Variants in BRWD1 observed in about 807,000 individuals in gnomAD.
The protein encoded by BRWD1 is bromodomain and WD repeat domain containing 1, also known as bromodomain and WD repeat-containing protein 1.
Under a neutral mutation model 251.2 loss-of-function variants are expected in BRWD1, and 82 were observed. The observed-to-expected ratio is 0.33, with a 90% CI of 0.27 to 0.39. The LOEUF (loss-of-function observed/expected upper bound fraction) is 0.39, where lower values mean the gene tolerates loss of function less well. Among genes scored for constraint, BRWD1 ranks in the 10% least tolerant of loss-of-function variants. The pLI is 1.00. For missense variants in BRWD1, 2,233 were observed against 2,711.6 expected (o/e 0.82, Z 3.92); for synonymous variants, 918 against 902.8 (o/e 1.02, Z -0.30).
At chr21:39,244,834 T>C (rs2034122507) in intron 21 of BRWD1, among the ~76,000 whole-genome samples, 1 of 150,612 alleles carries the variant, frequency 6.6e-6, no homozygotes, top group African/African-American at 2.4e-5. Context: ...AGTCTATATA[T>C]AACCCTTTAT....
Position 39,186,962 on chromosome 21 carries a change from T to C in BRWD1, c.*9297A>G, listed in dbSNP as rs2031269330. The C allele has an allele frequency of 6.0e-6, 9 of 1,502,380 alleles. No individual in the cohort carries two copies. The highest frequency in any genetic ancestry group is 7.1e-6 in the Non-Finnish European group (8 of 1,131,368). 93.1% of individuals were successfully genotyped at this position (1,502,380 alleles called of 1,614,324 possible). ...AGTAATTTTAGAGCTGGGAGCAGAA[T>C]GTAACTGCCAGTTTACTTGTGTACC... is the stretch of plus-strand genomic sequence containing the variant. On this transcript the variant is annotated 3_prime_UTR_variant, in exon 41 of 41. Transcript: ENST00000342449.
At chr21:39,230,589 T>C (rs772551427) in intron 25 of BRWD1, among the ~76,000 whole-genome samples, 1 of 152,164 alleles carries the variant, frequency 6.6e-6, no homozygotes, top group African/African-American at 2.4e-5. Flanking sequence ...TGTTGTTGAT[T>C]TGCAAACATT....
chr21:39,279,312 A>G (rs903972153), intron 9 of BRWD1, among the ~76,000 whole-genome samples: 1 of 152,202 alleles, frequency 6.6e-6, no homozygotes, highest in African/African-American at 2.4e-5. Flanking sequence ...AACTCATTGA[A>G]AATTTCACAT....
rs1264907481 is a variant in BRWD1 at position 39,197,394 on chromosome 21, C to G, written c.5675G>C (p.Gly1892Ala). The change falls in exon 41 of 41, where the codon GGA becomes GCA. Residue 1892 changes from glycine to alanine, a missense_variant. Gly to Ala is a moderately conservative substitution (Grantham distance 60). Coordinates refer to ENST00000342449, the MANE Select transcript of BRWD1 (RefSeq NM_033656.4). Reference protein sequence around the residue: ...FMKDSASQDNGLSRKISRKRV... With the variant: ...FMKDSASQDNALSRKISRKRV... ...TTTCCTGGAAATTTTTCTGCTTAGTCCATTGTCTTGTGATGCAGAATCTAA... is the reference window on the plus strand; with the variant it reads ...TTTCCTGGAAATTTTTCTGCTTAGTGCATTGTCTTGTGATGCAGAATCTAA... The G allele has an allele frequency of 6.3e-7, 1 of 1,593,868 alleles. No individual in the cohort carries two copies. Among genetic ancestry groups the G allele is most frequent in the Non-Finnish European group, 8.5e-7 (1 of 1,171,694 alleles).
intron 17 of BRWD1, among the ~76,000 whole-genome samples, chr21:39,260,719 C>T (rs2034715014): frequency 6.6e-6 from 1 of 152,156 alleles, no homozygotes; most frequent in African/African-American, 2.4e-5. Context: ...CTGATTGCTC[C>T]AGATTACTGT....
intron 35 of BRWD1, 97 bp downstream of exon 35, chr21:39,210,689 G>C: frequency 7.2e-7 from 1 of 1,391,640 alleles, no homozygotes. Context: ...TTAACATAAA[G>C]CCTGGGTATC....
intron 20 of BRWD1, among the ~76,000 whole-genome samples, chr21:39,249,915 G>GTGTGTGTGTGTGTGT (rs1568915296): frequency 2.9e-5 from 2 of 68,590 alleles, no homozygotes; most frequent in African/African-American, 1.1e-4. Context: ...AAAGAAGGGG[G>GTGTGTGTGTGTGTGT]GTGTGTGTGT....
intron 12 of BRWD1, 43 bp downstream of exon 12, chr21:39,276,130 T>C (rs765600797): frequency 1.3e-6 from 2 of 1,541,322 alleles, no homozygotes; most frequent in Non-Finnish European, 1.8e-6. Flanking sequence ...CACATTATAT[T>C]TGCCTAATAA....
At chr21:39,228,352 A>C (rs1262388669) in intron 27 of BRWD1, 148 bp downstream of exon 27, 8 of 591,246 alleles carry the variant, frequency 1.4e-5, no homozygotes, top group African/African-American at 1.9e-5. Context: ...CCAAGCCGTA[A>C]GCAAAATATA....
chr21:39,313,703 C>T (rs2036610255), upstream of BRWD1: 2 of 379,020 alleles, frequency 5.3e-6, no homozygotes, highest in African/African-American at 2.2e-5. Flanking sequence ...CCGCGGGGGG[C>T]GGGGGTTTGC....
At chr21:39,211,094 A>G (rs1232738244) in intron 34 of BRWD1, among the ~76,000 whole-genome samples, 165 bp from the exon 35 acceptor site, 1 of 152,234 alleles carries the variant, frequency 6.6e-6, no homozygotes, top group Non-Finnish European at 1.5e-5. Context: ...ATGAAACGTA[A>G]GTTATTTTCA....
chr21:39,194,367 T>G lies in BRWD1; in HGVS notation c.*1892A>C, dbSNP rs777221733. On this transcript the variant is annotated 3_prime_UTR_variant, in exon 41 of 41. Transcript: ENST00000342449. ...GAAGAGTTTAAATAAATTAATGGAT[T>G]TGACATCTATCACCAGTTTTTAAAA... 5 of 1,086,336 alleles carry G rather than the reference T, an allele frequency of 4.6e-6. No individual in the cohort carries two copies. The highest frequency in any genetic ancestry group is 5.6e-6 in the Non-Finnish European group (5 of 894,664). The allele number at this position is 1,086,336 out of a possible 1,614,324, so 67.3% of individuals were successfully genotyped here.
chr21:39,225,735 AAAT>A (rs1342946143), intron 27 of BRWD1, among the ~76,000 whole-genome samples: 1 of 152,220 alleles, frequency 6.6e-6, no homozygotes, highest in African/African-American at 2.4e-5. Context: ...GTTTGAAAAA[AAAT>A]AATGCCATAA....
chr21:39,239,302 T>C (rs527390636), intron 21 of BRWD1, among the ~76,000 whole-genome samples: 1 of 152,164 alleles, frequency 6.6e-6, no homozygotes, highest in South Asian at 2.1e-4. Context: ...CTTCTAGAAG[T>C]TTTATGGTTT....
intron 8 of BRWD1, among the ~76,000 whole-genome samples, chr21:39,283,004 A>G (rs1403164887): frequency 6.6e-6 from 1 of 152,038 alleles, no homozygotes; most frequent in African/African-American, 2.4e-5. Flanking sequence ...TGTCCATGAA[A>G]GAATATGTTT....
intron 4 of BRWD1, among the ~76,000 whole-genome samples, chr21:39,303,955 A>G (rs941961475): frequency 6.6e-6 from 1 of 151,644 alleles, no homozygotes; most frequent in Non-Finnish European, 1.5e-5. Context: ...CAGCCTGGCC[A>G]ACGTGGTTAA....
chr21:39,250,681 T>C (rs1476891568), intron 20 of BRWD1, 115 bp downstream of exon 20: 3 of 663,658 alleles, frequency 4.5e-6, no homozygotes, highest in South Asian at 2.4e-5. Flanking sequence ...CAGAAAACCT[T>C]AAGCAAGAAA....
intron 4 of BRWD1, among the ~76,000 whole-genome samples, chr21:39,308,718 C>G (rs1275066893): frequency 1.3e-5 from 2 of 152,126 alleles, no homozygotes. Flanking sequence ...CCAGATGATT[C>G]TCATCTGAAG....
chr21:39,236,858 TG>T, intron 22 of BRWD1, 74 bp from the exon 23 acceptor site: 1 of 1,350,380 alleles, frequency 7.4e-7, no homozygotes, highest in Non-Finnish European at 1.0e-6. Context: ...CATATAAAAT[TG>T]AGGGAACAGA....
Sources: allele counts gnomAD v4.1 joint callset (sites outside exome capture counted in the v4.1 genomes callset), GRCh38; gene constraint gnomAD v4.1.1; transcripts MANE v1.5; gene names NCBI Gene and HGNC (gene_info 2026-07-23, HGNC 2026-07-21).